Variants in ADGRE3 observed in about 807,000 individuals in gnomAD.
ADGRE3 encodes the protein adhesion G protein-coupled receptor E3, also known as EGF-like module receptor 3.
A neutral mutation model predicts 80.1 loss-of-function variants in ADGRE3; 88 were observed. The ratio of observed to expected loss-of-function variants is 1.10; its 90% CI spans 0.93 to 1.31. The LOEUF is 1.31. Ranked by LOEUF, ADGRE3 falls within the 40% of genes most tolerant of loss-of-function variation. The pLI is 0.00. For synonymous variants in ADGRE3, 281 were observed against 294.8 expected, an observed-to-expected ratio of 0.95 and a Z score of 0.48; for missense variants, 715 against 776.5, an observed-to-expected ratio of 0.92 and a Z score of 0.94.
At chr19:14,658,387 TTATATATG>T (rs1021206607) in intron 5 of ADGRE3, 118 bp downstream of exon 5, 126 of 377,484 alleles carry the variant, frequency 3.3e-4, no homozygotes, top group African/African-American at 2.6e-3. Flanking sequence ...AAATAATACA[TTATATATG>T]TATATATAAT....
chr19:14,644,362 T>TGGAGTAACC, intron 8 of ADGRE3, 87 bp from the exon 9 acceptor site: 2 of 1,070,896 alleles, frequency 1.9e-6, no homozygotes, highest in Middle Eastern at 3.4e-4. Flanking sequence ...GCTTTGTTAC[T>TGGAGTAACC]CAGGCTGGAG....
chr19:14,611,220 T>C, the ADGRE3 span: 1 of 152,078 alleles, frequency 6.6e-6, no homozygotes, highest in Non-Finnish European at 1.5e-5. Context: ...CAGACACTGC[T>C]TCCTTCCTGG....
At chr19:14,652,639 A>T (rs917580390) in intron 6 of ADGRE3, among the ~76,000 whole-genome samples, 2 of 151,888 alleles carry the variant, frequency 1.3e-5, no homozygotes, top group South Asian at 4.2e-4. Context: ...TTAGCTGGTC[A>T]TGGTGGCAGG....
At chr19:14,644,056 T>C in intron 9 of ADGRE3, 52 bp downstream of exon 9, 2 of 1,198,282 alleles carry the variant, frequency 1.7e-6, no homozygotes, top group Non-Finnish European at 2.2e-6. Flanking sequence ...TATTACCACT[T>C]AGTAGGGGCT....
At chr19:14,612,219 A>G in the ADGRE3 span, among the ~76,000 whole-genome samples, 1 of 152,132 alleles carries the variant, frequency 6.6e-6, no homozygotes, top group Admixed American at 6.6e-5. Flanking sequence ...GTCCAAGATC[A>G]AGGTGTTGGC....
chr19:14,647,160 C>T (rs1302469024), intron 8 of ADGRE3, 21 bp downstream of exon 8: 1 of 1,608,902 alleles, frequency 6.2e-7, no homozygotes, highest in South Asian at 1.1e-5. Flanking sequence ...CCCACAAGCT[C>T]AAATCATACC....
At chr19:14,627,050 C>T (rs921530681) in intron 14 of ADGRE3, among the ~76,000 whole-genome samples, 2 of 152,162 alleles carry the variant, frequency 1.3e-5, no homozygotes, top group Non-Finnish European at 2.9e-5. Flanking sequence ...ATCTGCCACA[C>T]CGTGATATCC....
intron 14 of ADGRE3, among the ~76,000 whole-genome samples, chr19:14,626,071 TA>T (rs1293971625): frequency 6.6e-6 from 1 of 151,816 alleles, no homozygotes; most frequent in Non-Finnish European, 1.5e-5. Context: ...TAAAAATGGT[TA>T]AAAAGGTAAA....
At chr19:14,608,546 T>G in the ADGRE3 span, among the ~76,000 whole-genome samples, 8 of 152,094 alleles carry the variant, frequency 5.3e-5, no homozygotes. Flanking sequence ...CATCTCAGTC[T>G]TTTCGTAAAA....
At chr19:14,616,846 G>C (rs1288175993), downstream of ADGRE3, among the ~76,000 whole-genome samples, 1 of 148,448 alleles carries the variant, frequency 6.7e-6, no homozygotes, top group African/African-American at 2.5e-5. Context: ...CCAGTCTGGA[G>C]TGCAGTGGCG....
At chr19:14,645,381 G>A (rs1453813628) in intron 8 of ADGRE3, among the ~76,000 whole-genome samples, 4 of 152,090 alleles carry the variant, frequency 2.6e-5, no homozygotes, top group East Asian at 1.9e-4. Flanking sequence ...CTTTGAAGCC[G>A]GGCACAGTGG....
chr19:14,630,027 G>T lies in ADGRE3; in HGVS notation c.1812+12C>A, dbSNP rs1188873847. On this transcript the variant is annotated intron_variant, in intron 14 of 15. Coordinates refer to ENST00000253673, the MANE Select transcript of ADGRE3 (RefSeq NM_032571.5). ...TTAAGTTTAAATAACAAAGAAAGGG[G>T]TCAGTGTTTACCTGCTGGCTGAGGA... The T allele has an allele frequency of 1.3e-6, 2 of 1,568,306 alleles. No individual in the cohort carries two copies. Among genetic ancestry groups the T allele is most frequent in the East Asian group, 2.2e-5 (1 of 44,512 alleles).
chr19:14,633,443 A>C, intron 11 of ADGRE3, 141 bp from the exon 12 acceptor site: 2 of 570,082 alleles, frequency 3.5e-6, no homozygotes, highest in Non-Finnish European at 3.0e-6. Flanking sequence ...ACGGTGGCTC[A>C]CGCCTGTAAT....
intron 9 of ADGRE3, 101 bp downstream of exon 9, chr19:14,644,007 G>C: frequency 1.4e-6 from 1 of 734,576 alleles, no homozygotes; most frequent in Non-Finnish European, 1.9e-6. Flanking sequence ...CACCATGCTC[G>C]GCCTTTTTTC....
intron 7 of ADGRE3, among the ~76,000 whole-genome samples, chr19:14,650,330 A>C (rs554021879): frequency 1.8e-4 from 19 of 108,342 alleles, no homozygotes; most frequent in East Asian, 5.4e-4. Context: ...TTCTCTTTCC[A>C]TCTCTTTCCC....
At chr19:14,661,831 C>T (rs949792349) in intron 4 of ADGRE3, 132 bp downstream of exon 4, 26 of 873,744 alleles carry the variant, frequency 3.0e-5, no homozygotes, top group African/African-American at 5.1e-5. Flanking sequence ...GCCCGGGAGG[C>T]GGAGGTTTCA....
In ADGRE3 at chr19:14,644,208, G is replaced by C; in HGVS notation, c.950C>G (p.Ser317Cys). 6.2e-7 allele frequency: 1 copy of C among 1,607,740 alleles called. No individual in the cohort carries two copies. Among genetic ancestry groups the C allele is most frequent in the South Asian group, 1.1e-5 (1 of 90,184 alleles). The change falls in exon 9 of 16, where the codon TCC becomes TGC. Residue 317 changes from serine (S) to cysteine (C), a missense_variant. Ser to Cys is a moderately radical substitution (Grantham distance 112). Coordinates refer to ENST00000253673, the MANE Select transcript of ADGRE3 (RefSeq NM_032571.5). Reference protein sequence around the residue: ...WKSTGQGSQWSRDGCFLIHVN... With the variant: ...WKSTGQGSQWCRDGCFLIHVN... ...GTGTATCAGGAAGCAGCCATCCCTG[G>C]ACCACTGGCTGCCCTGCCCTGTGCT... is the stretch of plus-strand genomic sequence containing the variant.
chr19:14,620,550 A>AATATATATAT (rs1568471512), intron 15 of ADGRE3, among the ~76,000 whole-genome samples: 1 of 18,986 alleles, frequency 5.3e-5, no homozygotes, highest in African/African-American at 2.5e-4. Context: ...TATATATATT[A>AATATATATAT]TATATATATA....
chr19:14,665,693 A>C (rs934787912), intron 2 of ADGRE3, among the ~76,000 whole-genome samples: 2 of 150,878 alleles, frequency 1.3e-5, no homozygotes, highest in African/African-American at 4.9e-5. Flanking sequence ...GGTTCTTGCT[A>C]TGTTGCCTAG....
Sources: allele counts gnomAD v4.1 joint callset (sites outside exome capture counted in the v4.1 genomes callset), GRCh38; gene constraint gnomAD v4.1.1; transcripts MANE v1.5; gene names NCBI Gene and HGNC (gene_info 2026-07-23, HGNC 2026-07-21).